The following CHSY3 variants were observed in gnomAD, a reference collection of about 807,000 sequenced individuals.
CHSY3 encodes N-acetylgalactosaminyl-proteoglycan 3-beta-glucuronosyltransferase 3.
A neutral mutation model predicts 67.2 loss-of-function variants in CHSY3; 35 were observed. The observed-to-expected ratio is 0.52, with a 90% CI of 0.40 to 0.69. CHSY3 has a LOEUF of 0.69. Ranked by LOEUF, CHSY3 falls within the 30% of genes least tolerant of loss-of-function variation. The pLI, the probability that CHSY3 is intolerant of heterozygous loss-of-function variation, is 0.00. For missense variants in CHSY3, 1,069 were observed against 1,138.5 expected, an observed-to-expected ratio of 0.94 and a Z score of 0.88; for synonymous variants, 474 against 434.7, an observed-to-expected ratio of 1.09 and a Z score of -1.12.
intron 2 of CHSY3, among the ~76,000 whole-genome samples, chr5:130,020,945 A>C (rs1258424966): frequency 6.6e-6 from 1 of 151,984 alleles, no homozygotes; most frequent in Non-Finnish European, 1.5e-5. Context: ...GTATATTCTT[A>C]AGAGAAGGAG....
chr5:130,001,170 C>T (rs570680925), intron 2 of CHSY3, among the ~76,000 whole-genome samples: 8 of 152,154 alleles, frequency 5.3e-5, no homozygotes, highest in African/African-American at 1.7e-4. Context: ...TGAGCCACCA[C>T]GCCTGGCCCT....
At chr5:130,009,358 A>G (rs570594527) in intron 2 of CHSY3, among the ~76,000 whole-genome samples, 1 of 152,258 alleles carries the variant, frequency 6.6e-6, no homozygotes, top group South Asian at 2.1e-4. Flanking sequence ...TTTCATATCC[A>G]GCCAAACTAA....
intron 2 of CHSY3, among the ~76,000 whole-genome samples, chr5:130,020,546 T>C (rs1189793858): frequency 6.7e-6 from 1 of 149,940 alleles, no homozygotes; most frequent in East Asian, 2.0e-4. Flanking sequence ...AAGCTTTCTA[T>C]ACCTCTCCTT....
At chr5:129,939,251 A>C (rs895725460) in intron 2 of CHSY3, among the ~76,000 whole-genome samples, 4 of 152,108 alleles carry the variant, frequency 2.6e-5, no homozygotes, top group Non-Finnish European at 5.9e-5. Context: ...CCAACCCCCG[A>C]TTCAGTCACC....
At chr5:130,020,453 ATATATATATTTTTT>A (rs1348822418) in intron 2 of CHSY3, among the ~76,000 whole-genome samples, 2,222 of 7,894 alleles carry the variant, frequency 0.28, 67 homozygotes, top group South Asian at 0.45. Context: ...ATATATATAT[ATATATATATTTTTT>A]TTTTTTTTTT....
intron 2 of CHSY3, among the ~76,000 whole-genome samples, chr5:129,957,861 G>A (rs891678443): frequency 6.6e-6 from 1 of 151,314 alleles, no homozygotes; most frequent in African/African-American, 2.4e-5. Context: ...TTTTTCTATT[G>A]TTTCCTTGAT....
chr5:130,122,876 G>A (rs914135597), intron 2 of CHSY3, among the ~76,000 whole-genome samples: 20 of 152,060 alleles, frequency 1.3e-4, no homozygotes, highest in South Asian at 6.2e-4. Flanking sequence ...GACTAAAATA[G>A]GGAGTCCATT....
chr5:130,123,304 CT>C (rs1439423826), intron 2 of CHSY3, among the ~76,000 whole-genome samples: 1 of 152,078 alleles, frequency 6.6e-6, no homozygotes, highest in African/African-American at 2.4e-5. Flanking sequence ...TCAAATAAGC[CT>C]GTTAGAATGG....
At chr5:130,002,849 G>C (rs1402542491) in intron 2 of CHSY3, among the ~76,000 whole-genome samples, 3 of 152,036 alleles carry the variant, frequency 2.0e-5, no homozygotes, top group African/African-American at 7.2e-5. Flanking sequence ...GGGCTGGAGG[G>C]GGTGGGTAGC....
chr5:129,949,415 G>GA (rs1428090545), intron 2 of CHSY3, among the ~76,000 whole-genome samples: 6 of 152,064 alleles, frequency 3.9e-5, no homozygotes, highest in Admixed American at 1.3e-4. Flanking sequence ...TAGAAAATCT[G>GA]AAAAGACTAA....
chr5:129,971,670 C>A (rs1337454670), intron 2 of CHSY3, among the ~76,000 whole-genome samples: 2 of 151,826 alleles, frequency 1.3e-5, no homozygotes. Context: ...TACTTTCAAA[C>A]CCCTAATGTG....
In CHSY3 at chr5:129,938,343, A is replaced by G. The variant is rs115142715; in HGVS notation, c.1086+29983A>G. 4.1e-3 allele frequency among the ~76,000 whole-genome samples: 630 copies of G among 152,330 alleles called. 5 individuals are homozygous for G. Among genetic ancestry groups the G allele is most frequent in the African/African-American group, 0.014 (597 of 41,584 alleles). ...GAAATGCCTTTGAGGCATTTTCCCA[A>G]TTATCCTGGCTACTAACATTCAGTT... On this transcript the variant is annotated intron_variant, in intron 2 of 2. Transcript: ENST00000305031.
intron 2 of CHSY3, among the ~76,000 whole-genome samples, chr5:130,077,397 C>T (rs1352104145): frequency 6.6e-6 from 1 of 152,084 alleles, no homozygotes; most frequent in Non-Finnish European, 1.5e-5. Context: ...GAAGCCCAAA[C>T]AGGAATTTAT....
At chr5:130,052,034 C>G (rs1765375526) in intron 2 of CHSY3, 2 of 152,030 alleles carry the variant, frequency 1.3e-5, no homozygotes, top group Non-Finnish European at 2.9e-5. Flanking sequence ...CTTTGCCCCT[C>G]TCTTGTTTCT....
intron 2 of CHSY3, among the ~76,000 whole-genome samples, chr5:130,017,586 T>C (rs1764251329): frequency 6.6e-6 from 1 of 152,190 alleles, no homozygotes; most frequent in Admixed American, 6.5e-5. Context: ...TATGAAAATT[T>C]GACAGGCTTT....
At chr5:129,970,040 C>A (rs769078020) in intron 2 of CHSY3, among the ~76,000 whole-genome samples, 1 of 151,832 alleles carries the variant, frequency 6.6e-6, no homozygotes, top group Non-Finnish European at 1.5e-5. Flanking sequence ...CCCCCCAAAT[C>A]TGCAAAGCTG....
intron 2 of CHSY3, among the ~76,000 whole-genome samples, chr5:130,051,332 T>C (rs555405767): frequency 6.6e-6 from 1 of 152,272 alleles, no homozygotes; most frequent in Admixed American, 6.5e-5. Flanking sequence ...ATAGAACTTT[T>C]TTTTAAAGGA....
At chr5:129,930,465 A>T (rs1761262729) in intron 2 of CHSY3, among the ~76,000 whole-genome samples, 1 of 145,496 alleles carries the variant, frequency 6.9e-6, no homozygotes, top group Admixed American at 6.9e-5. Context: ...GATAAGTTAT[A>T]CATAGATAAG....
At chr5:130,070,336 A>C (rs941398792) in intron 2 of CHSY3, among the ~76,000 whole-genome samples, 13 of 152,242 alleles carry the variant, frequency 8.5e-5, no homozygotes, top group African/African-American at 2.9e-4. Flanking sequence ...AGTTTTTCCC[A>C]GAATTGATTA....
Sources: gnomAD v4.1 joint callset for allele counts (sites outside exome capture counted in the v4.1 genomes callset) on GRCh38, gnomAD v4.1.1 for gene constraint, MANE v1.5 for transcripts, NCBI Gene and HGNC (gene_info 2026-07-23, HGNC 2026-07-21) for gene names.